The following CAPS variants were observed in gnomAD, a reference collection of about 807,000 sequenced individuals.
The protein encoded by CAPS is calcyphosine.
Under a neutral mutation model 15.5 loss-of-function variants are expected in CAPS, and 16 were observed. The ratio of observed to expected loss-of-function variants is 1.03; its 90% CI spans 0.70 to 1.57. The LOEUF (loss-of-function observed/expected upper bound fraction) is 1.57. Ranked by LOEUF, CAPS falls within the 40% of genes most tolerant of loss-of-function variation. CAPS has a pLI of 0.00. For synonymous variants in CAPS, 121 were observed against 116.0 expected (o/e 1.04, Z -0.28); for missense variants, 294 against 278.4 (o/e 1.06, Z -0.40).
In CAPS at chr19:5,915,552, G is replaced by A. The variant is rs1434098540; in HGVS notation, c.*230G>A. 7.7e-6 allele frequency: 4 copies of A among 519,710 alleles called. No individual in the cohort carries two copies. The highest frequency in any genetic ancestry group is 6.6e-5 in the Admixed American group (2 of 30,172). 32.2% of individuals were successfully genotyped at this position (519,710 alleles called of 1,614,324 possible). A position where few individuals can be genotyped will look rare whatever the true frequency, so the allele number is the denominator to read the frequency against. ...CTGGCTCAGGACCCCAGGGAGAAAC[G>A]CTCTCCCCACCCACGCCATGCTGAC... is the stretch of plus-strand genomic sequence containing the variant. On this transcript the variant is annotated 3_prime_UTR_variant, in exon 5 of 5. Coordinates refer to ENST00000588776, the MANE Select transcript of CAPS (RefSeq NM_004058.5).
intron 3 of CAPS, 58 bp downstream of exon 3, chr19:5,914,798 C>A: frequency 1.3e-6 from 2 of 1,566,218 alleles, no homozygotes; most frequent in South Asian, 1.2e-5. Context: ...ACAGAGGATG[C>A]TGAGATGCGG....
In CAPS at chr19:5,914,976, G is replaced by A. The variant is rs763328780; in HGVS notation, c.298G>A (p.Ala100Thr). 6.2e-7 allele frequency: 1 copy of A among 1,609,516 alleles called. No homozygotes were observed. The highest frequency in any genetic ancestry group is 1.1e-5 in the South Asian group (1 of 91,050). ...MSQAREAVIA[A>T]AFAKLDRSGD... The stretch of plus-strand genomic sequence containing the variant: ...CCAGGCCCGGGAGGCTGTCATCGCA[G>A]CTGCATTTGCCAAGCTGGACCGCAG... Residue 100 changes from alanine (A) to threonine (T), a missense_variant, in exon 4 of 5, where the codon GCT (alanine) becomes ACT (threonine). Ala to Thr is a moderately conservative substitution (Grantham distance 58). Transcript: ENST00000588776.
chr19:5,914,840 A>T, intron 3 of CAPS, 100 bp downstream of exon 3: 1 of 1,538,042 alleles, frequency 6.5e-7, no homozygotes, highest in Non-Finnish European at 8.8e-7. Flanking sequence ...AGCTGCTGTT[A>T]AGAGGCGCCT....
chr19:5,914,741 G>T lies in CAPS; in HGVS notation c.261+1G>T. On this transcript the variant is annotated splice_donor_variant, in intron 3 of 4. Coordinates refer to ENST00000588776, the MANE Select transcript of CAPS (RefSeq NM_004058.5). LOFTEE classifies it high-confidence loss of function. Reference sequence around the variant, plus strand: ...GGAGGAGTTCCTTCGGGCGCTGCGGGTGAGCCCCCACCTCACAGTCAAGGC... The same window carrying T: ...GGAGGAGTTCCTTCGGGCGCTGCGGTTGAGCCCCCACCTCACAGTCAAGGC... 1 of 1,606,018 alleles carries T rather than the reference G, an allele frequency of 6.2e-7. No homozygotes were observed. Among genetic ancestry groups the T allele is most frequent in the Non-Finnish European group, 8.5e-7 (1 of 1,175,820 alleles).
intron 3 of CAPS, 53 bp downstream of exon 3, chr19:5,914,793 G>A: frequency 1.9e-6 from 3 of 1,571,778 alleles, no homozygotes; most frequent in Middle Eastern, 2.1e-4. Flanking sequence ...GGGCGACAGA[G>A]GATGCTGAGA....
rs1352503742 is a variant in CAPS at position 5,914,948 on chromosome 19, G to C, written c.270G>C (p.Met90Ile). 1 of 1,604,448 alleles carries C rather than the reference G, an allele frequency of 6.2e-7. No individual in the cohort carries two copies. The highest frequency in any genetic ancestry group is 8.5e-7 in the Non-Finnish European group (1 of 1,179,380). The change falls in exon 4 of 5, where the codon ATG becomes ATC. Residue 90 changes from methionine to isoleucine, a missense_variant. Physicochemically the swap from Met to Ile is conservative, Grantham distance 10. Transcript: ENST00000588776. ...EEFLRALRPPMSQAREAVIAA... is the reference protein window; with the variant it reads ...EEFLRALRPPISQAREAVIAA... ...ACCACCTCCTGTCCCAGCCCCCCATGTCCCAGGCCCGGGAGGCTGTCATCG... is the reference window on the plus strand; with the variant it reads ...ACCACCTCCTGTCCCAGCCCCCCATCTCCCAGGCCCGGGAGGCTGTCATCG...
rs141956385 is a variant in CAPS at position 5,914,659 on chromosome 19, G to A, written c.180G>A (p.Ala60=). ...LAKLGLVLDQ[A]EAEGVCRKWD... ...AACTCGGGCTGGTGCTGGACCAGGC[G>A]GAGGCAGAGGGTGTGTGCAGGAAGT... is the stretch of plus-strand genomic sequence containing the variant. The change falls in exon 3 of 5, where the codon GCG becomes GCA. Residue 60 remains alanine, a synonymous_variant. Transcript: ENST00000588776. 6.2e-6 allele frequency: 10 copies of A among 1,614,080 alleles called. No individual in the cohort carries two copies. The highest frequency in any genetic ancestry group is 5.3e-5 in the African/African-American group (4 of 75,078).
Position 5,915,616 on chromosome 19 carries a change from T to G in CAPS, c.*294T>G. ...GCCCCTGTGGATGCCCCCGCCGAGG[T>G]CCCCCGATCCCCGCACCCGGACTGC... On this transcript the variant is annotated 3_prime_UTR_variant, in exon 5 of 5. Transcript: ENST00000588776. 1 of 327,916 alleles carries G rather than the reference T, an allele frequency of 3.0e-6. No homozygotes were observed. Among genetic ancestry groups the G allele is most frequent in the Non-Finnish European group, 5.7e-6 (1 of 175,194 alleles). The allele number at this position is 327,916 out of a possible 1,614,324, so 20.3% of individuals were successfully genotyped here.
rs565146557 is a variant in CAPS at position 5,915,373 on chromosome 19, C to T, written c.*51C>T. ...CTGGCCTGTCACTCCCCACCCCTGCCGGAGACCTCCCTTCCCTGGGCCCCT... is the reference window on the plus strand; with the variant it reads ...CTGGCCTGTCACTCCCCACCCCTGCTGGAGACCTCCCTTCCCTGGGCCCCT... On this transcript the variant is annotated 3_prime_UTR_variant, in exon 5 of 5. Transcript: ENST00000588776. 115 of 1,342,176 alleles carry T rather than the reference C, an allele frequency of 8.6e-5. No individual in the cohort carries two copies. The highest frequency in any genetic ancestry group is 1.0e-4 in the Non-Finnish European group (102 of 972,008). 83.1% of individuals were successfully genotyped at this position (1,342,176 alleles called of 1,614,324 possible).
Position 5,914,751 on chromosome 19 carries a change from A to G in CAPS, c.261+11A>G. 1 of 1,601,970 alleles carries G rather than the reference A, an allele frequency of 6.2e-7. No individual in the cohort carries two copies. The highest frequency in any genetic ancestry group is 2.2e-5 in the East Asian group (1 of 44,738). ...CTTCGGGCGCTGCGGGTGAGCCCCCACCTCACAGTCAAGGCGTGTGCCCTG... is the reference window on the plus strand; with the variant it reads ...CTTCGGGCGCTGCGGGTGAGCCCCCGCCTCACAGTCAAGGCGTGTGCCCTG... On this transcript the variant is annotated intron_variant, in intron 3 of 4. Transcript: ENST00000588776.
intron 3 of CAPS, 57 bp downstream of exon 3, chr19:5,914,797 G>A (rs1360050359): frequency 6.4e-7 from 1 of 1,566,904 alleles, no homozygotes; most frequent in Non-Finnish European, 8.6e-7. Flanking sequence ...GACAGAGGAT[G>A]CTGAGATGCG....
intron 3 of CAPS, 32 bp downstream of exon 3, chr19:5,914,772 C>A: frequency 1.9e-6 from 3 of 1,586,906 alleles, no homozygotes; most frequent in Non-Finnish European, 2.6e-6. Flanking sequence ...AAGGCGTGTG[C>A]CCTGGGCATG....
chr19:5,914,703 G>C lies in CAPS; in HGVS notation c.224G>C (p.Gly75Ala), dbSNP rs1258532901. 5 of 1,613,618 alleles carry C rather than the reference G, an allele frequency of 3.1e-6. No individual in the cohort carries two copies. Among genetic ancestry groups the C allele is most frequent in the Non-Finnish European group, 3.4e-6 (4 of 1,179,818 alleles). Residue 75 changes from glycine (G) to alanine (A), a missense_variant, in exon 3 of 5, where the codon GGG becomes GCG. Gly to Ala is a moderately conservative substitution (Grantham distance 60). Transcript: ENST00000588776. ...AGGAAGTGGGACCGCAATGGCAGCG[G>C]GACGCTGGATCTGGAGGAGTTCCTT... ...VCRKWDRNGSGTLDLEEFLRA... is the reference protein window; with the variant it reads ...VCRKWDRNGSATLDLEEFLRA...
At position 5,914,545 on chromosome 19, in the gene CAPS, C is replaced by T. The variant is rs368055641; in HGVS notation, c.84-18C>T. On this transcript the variant is annotated intron_variant, in intron 2 of 4. Transcript: ENST00000588776. ...CGGCCCCTGAGACCACTGTTCCAAC[C>T]GTGTCCCCTGCCTCCAGGTTTTTCC... 89 of 1,603,614 alleles carry T rather than the reference C, an allele frequency of 5.5e-5. No homozygotes were observed. In the African/African-American group the frequency reaches 6.9e-4, roughly 13 times the overall value.
chr19:5,915,161 G>A lies in CAPS; in HGVS notation c.468+15G>A, dbSNP rs774366755. On this transcript the variant is annotated intron_variant, in intron 4 of 4. Coordinates refer to ENST00000588776, the MANE Select transcript of CAPS (RefSeq NM_004058.5). ...AGGACGGGCAGGTGGGTGGCTGCGC[G>A]GGGGGCCCCCTCCCCAGGCAGTTCC... 5.6e-6 allele frequency: 9 copies of A among 1,611,374 alleles called. No homozygotes were observed. The highest frequency in any genetic ancestry group is 3.3e-5 in the South Asian group (3 of 91,016).
In CAPS at chr19:5,915,038, G is replaced by A. The variant is rs146070385; in HGVS notation, c.360G>A (p.Gly120=). ...TCGTGACGGTGGACGACCTCCGCGG[G>A]GTGTACAGTGGCCGTGCCCACCCCA... The part of the protein sequence containing the change: ...DGVVTVDDLR[G]VYSGRAHPKV... Residue 120 remains glycine (G), a synonymous_variant, in exon 4 of 5, where the codon GGG becomes GGA. Transcript: ENST00000588776. 14 of 1,612,742 alleles carry A rather than the reference G, an allele frequency of 8.7e-6. No homozygotes were observed. The African/African-American group carries it at 9.3e-5, about 11-fold the overall frequency.
In CAPS at chr19:5,915,042, T is replaced by C. The variant is rs1338788338; in HGVS notation, c.364T>C (p.Tyr122His). Reference sequence around the variant, plus strand: ...GACGGTGGACGACCTCCGCGGGGTGTACAGTGGCCGTGCCCACCCCAAGGT... The same window carrying C: ...GACGGTGGACGACCTCCGCGGGGTGCACAGTGGCCGTGCCCACCCCAAGGT... ...VVTVDDLRGV[Y>H]SGRAHPKVRS... Residue 122 changes from tyrosine (Y) to histidine (H), a missense_variant, in exon 4 of 5, where the codon TAC (tyrosine) becomes CAC (histidine). By Grantham distance (83) the Tyr-to-His change is moderately conservative. Coordinates refer to ENST00000588776, the MANE Select transcript of CAPS (RefSeq NM_004058.5). The C allele has an allele frequency of 3.1e-6, 5 of 1,612,596 alleles. No homozygotes were observed. The highest frequency in any genetic ancestry group is 4.2e-6 in the Non-Finnish European group (5 of 1,179,864).
In CAPS at chr19:5,915,378, A is replaced by AC; in HGVS notation, c.*58dup. ...CTGTCACTCCCCACCCCTGCCGGAG[A>AC]CCTCCCTTCCCTGGGCCCCTTCTCT... On this transcript the variant is annotated 3_prime_UTR_variant, in exon 5 of 5. Coordinates refer to ENST00000588776, the MANE Select transcript of CAPS (RefSeq NM_004058.5). 1 of 1,307,452 alleles carries AC rather than the reference A, an allele frequency of 7.6e-7. No homozygotes were observed. Among genetic ancestry groups the AC allele is most frequent in the African/African-American group, 1.5e-5 (1 of 68,384 alleles). The allele number at this position is 1,307,452 out of a possible 1,614,324, so 81.0% of individuals were successfully genotyped here. A position where few individuals can be genotyped will look rare whatever the true frequency, so the allele number is the denominator to read the frequency against.
Position 5,915,097 on chromosome 19 carries a change from T to C in CAPS, c.419T>C (p.Val140Ala). ...AGTGGGGAGTGGACCGAGGACGAGG[T>C]GCTGCGCCGCTTCCTGGACAACTTC... Reference protein sequence around the residue: ...VRSGEWTEDEVLRRFLDNFDS... With the variant: ...VRSGEWTEDEALRRFLDNFDS... Residue 140 changes from valine (V) to alanine (A), a missense_variant, in exon 4 of 5, where the codon GTG becomes GCG. Coordinates refer to ENST00000588776, the MANE Select transcript of CAPS (RefSeq NM_004058.5). 6.2e-7 allele frequency: 1 copy of C among 1,613,004 alleles called. No homozygotes were observed. The highest frequency in any genetic ancestry group is 8.5e-7 in the Non-Finnish European group (1 of 1,179,834).
Sources: gnomAD v4.1 joint callset for allele counts on GRCh38, gnomAD v4.1.1 for gene constraint, MANE v1.5 for transcripts, NCBI Gene and HGNC (gene_info 2026-07-23, HGNC 2026-07-21) for gene names.